Variants in WWOX observed in about 807,000 individuals in gnomAD.
WWOX encodes WW domain-containing oxidoreductase.
In WWOX, 69 loss-of-function variants were observed where a neutral mutation model predicts 46.2. The observed-to-expected ratio is 1.49, with a 90% confidence interval of 1.23 to 1.82. The LOEUF (loss-of-function observed/expected upper bound fraction) is 1.82. WWOX is among the 40% of genes most tolerant of loss of function. The pLI is 0.00. For synonymous variants in WWOX, 359 were observed against 202.6 expected, an observed-to-expected ratio of 1.77 and a Z score of -6.56; for missense variants, 919 against 542.6, an observed-to-expected ratio of 1.69 and a Z score of -6.89.
At chr16:78,801,599 T>C (rs749058695) in intron 8 of WWOX, among the ~76,000 whole-genome samples, 17 of 152,272 alleles carry the variant, frequency 1.1e-4, no homozygotes, top group Non-Finnish European at 2.5e-4. Flanking sequence ...ACTGGGCAAA[T>C]TTTTGAGCTC....
At chr16:78,353,091 ACT>A (rs897910919) in intron 5 of WWOX, among the ~76,000 whole-genome samples, 3 of 152,204 alleles carry the variant, frequency 2.0e-5, no homozygotes, top group Admixed American at 2.0e-4. Context: ...TAAATAAAAT[ACT>A]GTCTGTTTTC....
intron 8 of WWOX, among the ~76,000 whole-genome samples, chr16:78,667,860 A>AT (rs1199839916): frequency 6.6e-6 from 1 of 151,880 alleles, no homozygotes; most frequent in African/African-American, 2.4e-5. Context: ...GCAGTGTTGC[A>AT]TTTTTTCCAT....
intron 8 of WWOX, among the ~76,000 whole-genome samples, chr16:79,193,470 TG>T (rs2051177150): frequency 6.6e-6 from 1 of 152,218 alleles, no homozygotes; most frequent in South Asian, 2.1e-4. Context: ...GCAGTACTGC[TG>T]GGTCTTGCGT....
chr16:79,152,595 C>G (rs552643391), intron 8 of WWOX, among the ~76,000 whole-genome samples: 3 of 151,408 alleles, frequency 2.0e-5, no homozygotes, highest in Non-Finnish European at 2.9e-5. Context: ...CGCTTGAACC[C>G]GGGAGGCAGA....
chr16:78,653,336 A>T (rs895274221), intron 8 of WWOX, among the ~76,000 whole-genome samples: 1 of 152,202 alleles, frequency 6.6e-6, no homozygotes, highest in East Asian at 1.9e-4. Context: ...TTATTTTACT[A>T]TTTATTTTTG....
In WWOX at chr16:78,825,769, C is replaced by T. The variant is rs187736891; in HGVS notation, c.1057-385839C>T. ...TGATCCCCAGCGGAGACCATGTTAA[C>T]TAGTACATTGATGCTGTTGTGTGCC... On this transcript the variant is annotated intron_variant, in intron 8 of 8. Transcript: ENST00000566780. The T allele has an allele frequency of 3.4e-4, 204 of 593,756 alleles. No individual in the cohort carries two copies. The African/African-American group carries it at 3.5e-3, about 10-fold the overall frequency. 36.8% of individuals were successfully genotyped at this position (593,756 alleles called of 1,614,324 possible).
intron 8 of WWOX, among the ~76,000 whole-genome samples, chr16:78,637,196 C>A (rs757429054): frequency 6.6e-6 from 1 of 152,164 alleles, no homozygotes; most frequent in Non-Finnish European, 1.5e-5. Flanking sequence ...CTGAAGCGGG[C>A]AGATCACCTG....
chr16:78,997,489 A>C (rs574097875), intron 8 of WWOX, among the ~76,000 whole-genome samples: 1 of 152,186 alleles, frequency 6.6e-6, no homozygotes, highest in East Asian at 1.9e-4. Context: ...TTTCTACTCC[A>C]GATTTTTATT....
At chr16:78,925,495 CA>C (rs1471789179) in intron 8 of WWOX, among the ~76,000 whole-genome samples, 1 of 152,180 alleles carries the variant, frequency 6.6e-6, no homozygotes, top group Non-Finnish European at 1.5e-5. Context: ...TTTAAGTTCC[CA>C]GCGTCTTAAC....
At chr16:78,241,889 C>T (rs982762656) in intron 5 of WWOX, among the ~76,000 whole-genome samples, 1 of 152,172 alleles carries the variant, frequency 6.6e-6, no homozygotes, top group African/African-American at 2.4e-5. Context: ...TGCCTGGCAG[C>T]GTCACGTAGT....
chr16:78,806,341 A>T, intron 8 of WWOX, among the ~76,000 whole-genome samples: 1 of 152,196 alleles, frequency 6.6e-6, no homozygotes, highest in Non-Finnish European at 1.5e-5. Flanking sequence ...TTCCAGTAAC[A>T]ATTGTTGCAT....
At chr16:78,362,317 G>GA (rs1016696334) in intron 5 of WWOX, among the ~76,000 whole-genome samples, 27 of 152,100 alleles carry the variant, frequency 1.8e-4, no homozygotes, top group African/African-American at 6.3e-4. Flanking sequence ...GCAGGATAAA[G>GA]AAAAAAACAG....
intron 5 of WWOX, among the ~76,000 whole-genome samples, chr16:78,191,159 C>T (rs2035871199): frequency 6.6e-6 from 1 of 152,192 alleles, no homozygotes; most frequent in Admixed American, 6.5e-5. Flanking sequence ...ACCACAGAGC[C>T]CCTGGAGCCT....
At chr16:78,114,253 A>G (rs981405281) in intron 3 of WWOX, among the ~76,000 whole-genome samples, 6 of 152,076 alleles carry the variant, frequency 3.9e-5, no homozygotes, top group South Asian at 2.1e-4. Flanking sequence ...GGCGTGTGCT[A>G]TCACACTTGA....
At chr16:78,872,026 C>G (rs2044139991) in intron 8 of WWOX, among the ~76,000 whole-genome samples, 1 of 152,196 alleles carries the variant, frequency 6.6e-6, no homozygotes, top group South Asian at 2.1e-4. Context: ...AGAGAAATCT[C>G]TAGTCTAGGG....
chr16:79,115,397 G>A (rs889429008), intron 8 of WWOX, among the ~76,000 whole-genome samples: 39 of 152,266 alleles, frequency 2.6e-4, no homozygotes, highest in African/African-American at 8.9e-4. Context: ...AAAGAAACTC[G>A]GGGCATGGAA....
intron 8 of WWOX, among the ~76,000 whole-genome samples, chr16:78,865,841 C>T (rs193112019): frequency 3.3e-5 from 5 of 152,244 alleles, no homozygotes; most frequent in Admixed American, 2.6e-4. Flanking sequence ...ATTGCACCAC[C>T]GCACTCCAGC....
At chr16:78,341,428 C>T (rs1158915043) in intron 5 of WWOX, among the ~76,000 whole-genome samples, 3 of 121,082 alleles carry the variant, frequency 2.5e-5, no homozygotes, top group Admixed American at 8.1e-5. Context: ...TATAATCCAC[C>T]ATCTTTGTTC....
chr16:78,624,697 TTGCCTTTCATGAACATAATA>T (rs2046271332), intron 8 of WWOX, among the ~76,000 whole-genome samples: 1 of 152,194 alleles, frequency 6.6e-6, no homozygotes, highest in Non-Finnish European at 1.5e-5. Flanking sequence ...TTTCTCAAAG[TTGCCTTTCATGAACATAATA>T]TGTCTATCAT....
Sources: allele counts gnomAD v4.1 joint callset (sites outside exome capture counted in the v4.1 genomes callset), GRCh38; gene constraint gnomAD v4.1.1; transcripts MANE v1.5; gene names NCBI Gene and HGNC (gene_info 2026-07-23, HGNC 2026-07-21).